Variants in FAM72A observed in about 807,000 individuals in gnomAD.
FAM72A encodes the protein regulator of UNG2 and MKLN1 interacting yippee protein 1.
FAM72A carries 1 observed loss-of-function variant against 11.3 expected under a neutral mutation model. That is an observed-to-expected ratio of 0.09 (90% CI 0.03 to 0.42). FAM72A has a LOEUF of 0.42. Among genes scored for constraint, FAM72A ranks in the 10% least tolerant of loss-of-function variants. The pLI is 0.98. For missense variants in FAM72A, 15 were observed against 135.5 expected (o/e 0.11, Z 4.41); for synonymous variants, 5 against 46.9 (o/e 0.11, Z 3.65).
intron 2 of FAM72A, among the ~76,000 whole-genome samples, chr1:206,198,318 C>T (rs1219891218): frequency 2.0e-5 from 3 of 150,190 alleles, no homozygotes; most frequent in East Asian, 2.0e-4. Context: ...AAGCTGAGAT[C>T]GTGCCACTGC....
chr1:206,192,102 A>C (rs1664836750), intron 3 of FAM72A, among the ~76,000 whole-genome samples: 2 of 95,000 alleles, frequency 2.1e-5, no homozygotes, highest in Middle Eastern at 4.1e-3. Flanking sequence ...AATTCTCTCA[A>C]TATTTCAACC....
intron 3 of FAM72A, among the ~76,000 whole-genome samples, chr1:206,194,475 A>G: frequency 6.6e-6 from 1 of 151,964 alleles, no homozygotes; most frequent in Non-Finnish European, 1.5e-5. Flanking sequence ...TACTATGTGT[A>G]AAATTCTATC....
chr1:206,198,836 G>A (rs1453169875), intron 2 of FAM72A, among the ~76,000 whole-genome samples: 3 of 138,480 alleles, frequency 2.2e-5, no homozygotes, highest in Non-Finnish European at 3.1e-5. Context: ...TTGGCAGGCC[G>A]AGGCAGGCGG....
At chr1:206,187,464 T>G (rs1553297034) in intron 3 of FAM72A, 91 bp from the exon 4 acceptor site, 2 of 1,330,348 alleles carry the variant, frequency 1.5e-6, no homozygotes, top group Non-Finnish European at 1.1e-6. Flanking sequence ...AATATTCTTA[T>G]GTAAACCATA....
At chr1:206,191,745 TGAGACAGGGTCTCACTCTGTTGCCC>T (rs1664817753) in intron 3 of FAM72A, among the ~76,000 whole-genome samples, 1 of 144,292 alleles carries the variant, frequency 6.9e-6, no homozygotes, top group African/African-American at 2.6e-5. Context: ...TTTTTTTTTT[TGAGACAGGGTCTCACTCTGTTGCCC>T]AGGCTGGAGT....
At chr1:206,191,692 G>A (rs1553297607) in intron 3 of FAM72A, among the ~76,000 whole-genome samples, 2 of 136,252 alleles carry the variant, frequency 1.5e-5, no homozygotes, top group Admixed American at 7.2e-5. Flanking sequence ...TTTTTTAAAA[G>A]AATTGGTAGT....
intron 3 of FAM72A, among the ~76,000 whole-genome samples, chr1:206,188,976 C>T (rs1553297230): frequency 6.6e-6 from 1 of 152,082 alleles, no homozygotes. Flanking sequence ...TGCTAGTACA[C>T]CATGCATGGT....
At chr1:206,193,283 A>C in intron 3 of FAM72A, among the ~76,000 whole-genome samples, 1 of 141,920 alleles carries the variant, frequency 7.0e-6, no homozygotes, top group Admixed American at 7.0e-5. Context: ...CTCACTTCAA[A>C]CTCCACCTCC....
chr1:206,191,721 ATTATTT>A (rs1445395424), intron 3 of FAM72A, among the ~76,000 whole-genome samples: 2 of 98,802 alleles, frequency 2.0e-5, no homozygotes, highest in East Asian at 2.6e-4. Context: ...TTACTAAAAT[ATTATTT>A]TTTTTTTTTT....
rs1363374275 is a variant in FAM72A at position 206,193,599 on chromosome 1, T to C, written c.355+2153A>G. 2.3e-3 allele frequency among the ~76,000 whole-genome samples: 348 copies of C among 151,384 alleles called. 1 individual carries two copies. Among genetic ancestry groups the C allele is most frequent in the East Asian group, 4.5e-3 (23 of 5,120 alleles). ...TACTTGGCTTCAAAGCTTCAAAGGATAGGCTGAATCTCTTGTTAGAGGATA... is the reference window on the plus strand; with the variant it reads ...TACTTGGCTTCAAAGCTTCAAAGGACAGGCTGAATCTCTTGTTAGAGGATA... On this transcript the variant is annotated intron_variant, in intron 3 of 3. Coordinates refer to ENST00000367128, the MANE Select transcript of FAM72A (RefSeq NM_001123168.3).
upstream of FAM72A, chr1:206,203,335 G>A (rs1665498569): frequency 1.3e-5 from 5 of 397,474 alleles, no homozygotes; most frequent in Non-Finnish European, 1.8e-5. Flanking sequence ...AACAACCCGG[G>A]GTGGAGCTTA....
At chr1:206,197,327 A>G (rs1238717297) in intron 2 of FAM72A, among the ~76,000 whole-genome samples, 2 of 151,110 alleles carry the variant, frequency 1.3e-5, no homozygotes, top group East Asian at 2.0e-4. Flanking sequence ...CCTCTTCAAT[A>G]GCCAAAAATG....
chr1:206,199,213 C>T (rs1167861752), intron 2 of FAM72A, among the ~76,000 whole-genome samples: 1 of 150,666 alleles, frequency 6.6e-6, no homozygotes. Flanking sequence ...GGCAACATAG[C>T]AAGACCCTAT....
At chr1:206,203,011 C>T (rs1665464134), upstream of FAM72A, 1 of 152,814 alleles carries the variant, frequency 6.5e-6, no homozygotes, top group African/African-American at 2.4e-5. Flanking sequence ...TAGGCACCGC[C>T]CCAGTAACGG....
intron 2 of FAM72A, among the ~76,000 whole-genome samples, chr1:206,196,110 T>A (rs1188888914): frequency 2.0e-5 from 3 of 147,900 alleles, no homozygotes; most frequent in Non-Finnish European, 4.5e-5. Context: ...ATTATTATTA[T>A]TATTATTATT....
At chr1:206,191,687 T>TA (rs782433876) in intron 3 of FAM72A, among the ~76,000 whole-genome samples, 2 of 144,292 alleles carry the variant, frequency 1.4e-5, no homozygotes, top group African/African-American at 2.7e-5. Context: ...TTTTTTTTTT[T>TA]AAAAGAATTG....
At chr1:206,191,960 G>C (rs1664830563) in intron 3 of FAM72A, among the ~76,000 whole-genome samples, 1 of 147,022 alleles carries the variant, frequency 6.8e-6, no homozygotes, top group South Asian at 2.2e-4. Flanking sequence ...AATTAGTATA[G>C]GCATACCTCA....
chr1:206,193,612 T>C (rs2102383875), intron 3 of FAM72A, among the ~76,000 whole-genome samples: 1 of 152,288 alleles, frequency 6.6e-6, no homozygotes, highest in African/African-American at 2.4e-5. Flanking sequence ...GCTGAATCTC[T>C]TGTTAGAGGA....
rs544163968 is a variant in FAM72A at position 206,198,907 on chromosome 1, T to TAA, written c.230+898_230+899dup. Among the ~76,000 whole-genome samples the TAA allele has an allele frequency of 5.9e-3, 375 of 63,676 alleles. 1 individual carries two copies. The highest frequency in any genetic ancestry group is 0.011 in the African/African-American group (192 of 16,870). The allele number at this position is 63,676 out of a possible 152,430, so 41.8% of individuals were successfully genotyped here. On this transcript the variant is annotated intron_variant, in intron 2 of 3. Coordinates refer to ENST00000367128, the MANE Select transcript of FAM72A (RefSeq NM_001123168.3). The stretch of plus-strand genomic sequence containing the variant: ...CAACATGGAGAAATCCTGTCTCTAC[T>TAA]AAAAAAAAAAAAAAAAAAAAAAAAA...
Sources: gnomAD v4.1 joint callset for allele counts (sites outside exome capture counted in the v4.1 genomes callset) on GRCh38, gnomAD v4.1.1 for gene constraint, MANE v1.5 for transcripts, NCBI Gene and HGNC (gene_info 2026-07-23, HGNC 2026-07-21) for gene names.